Variants in RPA1 observed in about 807,000 individuals in gnomAD.
RPA1 encodes replication protein A 70 kDa DNA-binding subunit.
A neutral mutation model predicts 83.0 loss-of-function variants in RPA1; 49 were observed. The observed-to-expected ratio is 0.59, with a 90% CI of 0.47 to 0.75. The LOEUF (loss-of-function observed/expected upper bound fraction) is 0.75. Ranked by LOEUF, RPA1 falls within the 30% of genes least tolerant of loss-of-function variation. The pLI, the probability that RPA1 is intolerant of heterozygous loss-of-function variation, is 0.00. For missense variants in RPA1, 693 were observed against 776.1 expected (o/e 0.89, Z 1.27); for synonymous variants, 279 against 281.8 (o/e 0.99, Z 0.10).
chr17:1,855,344 TG>T (rs1912650772), intron 5 of RPA1, among the ~76,000 whole-genome samples: 1 of 147,556 alleles, frequency 6.8e-6, no homozygotes, highest in Non-Finnish European at 1.5e-5. Flanking sequence ...TGTGTGTGTG[TG>T]TGTGTGTGTG....
chr17:1,868,387 C>T (rs1197855531), intron 5 of RPA1, among the ~76,000 whole-genome samples: 1 of 152,172 alleles, frequency 6.6e-6, no homozygotes, highest in Non-Finnish European at 1.5e-5. Flanking sequence ...TTTGTATCCT[C>T]CCAGCACCTA....
chr17:1,883,681 G>T, intron 12 of RPA1, 131 bp from the exon 13 acceptor site: 2 of 932,134 alleles, frequency 2.1e-6, no homozygotes, highest in South Asian at 4.2e-5. Context: ...CAGCCGACAT[G>T]ACCGTGACCT....
In RPA1 at chr17:1,843,913, G is replaced by C. The variant is rs1315032511; in HGVS notation, c.85-7G>C. ...ACCTGGCTAATGAATCAAGTTTTCT[G>C]TCCTAGAACATCCGTCCCATTACTA... is the stretch of plus-strand genomic sequence containing the variant. On this transcript the variant is annotated splice_region_variant and splice_polypyrimidine_tract_variant and intron_variant, in intron 2 of 16. Transcript: ENST00000254719. 3 of 1,613,432 alleles carry C rather than the reference G, an allele frequency of 1.9e-6. No homozygotes were observed. The highest frequency in any genetic ancestry group is 3.3e-5 in the Admixed American group (2 of 59,922).
chr17:1,847,073 C>A (rs997771542), intron 4 of RPA1, among the ~76,000 whole-genome samples: 1 of 152,198 alleles, frequency 6.6e-6, no homozygotes, highest in Non-Finnish European at 1.5e-5. Context: ...TTGGCTTGTA[C>A]TTTCTTCCAG....
chr17:1,855,059 C>CTT (rs1279681526), intron 5 of RPA1, among the ~76,000 whole-genome samples: 1 of 152,140 alleles, frequency 6.6e-6, no homozygotes, highest in African/African-American at 2.4e-5. Context: ...TTGGTGAGGG[C>CTT]TTTCATCAGA....
intron 1 of RPA1, among the ~76,000 whole-genome samples, chr17:1,836,059 A>G (rs1452986066): frequency 6.6e-6 from 1 of 152,166 alleles, no homozygotes; most frequent in Non-Finnish European, 1.5e-5. Context: ...ACTGCTTTTT[A>G]GAAAAATCAC....
intron 5 of RPA1, among the ~76,000 whole-genome samples, chr17:1,855,071 A>G (rs752232532): frequency 6.6e-6 from 1 of 152,214 alleles, no homozygotes; most frequent in Non-Finnish European, 1.5e-5. Context: ...TTCATCAGAA[A>G]TGGATGGTGA....
At chr17:1,848,103 T>C (rs1912331081) in intron 4 of RPA1, among the ~76,000 whole-genome samples, 5 of 152,150 alleles carry the variant, frequency 3.3e-5, no homozygotes, top group South Asian at 2.1e-4. Flanking sequence ...GTGACTGTCA[T>C]TGTACACATG....
intron 5 of RPA1, among the ~76,000 whole-genome samples, chr17:1,855,209 C>T (rs1182582159): frequency 2.0e-5 from 3 of 152,002 alleles, no homozygotes; most frequent in East Asian, 3.9e-4. Flanking sequence ...ATGACCCAGG[C>T]TGGAGTGCAG....
At chr17:1,846,244 T>G (rs1912250115) in intron 4 of RPA1, among the ~76,000 whole-genome samples, 1 of 151,990 alleles carries the variant, frequency 6.6e-6, no homozygotes, top group Non-Finnish European at 1.5e-5. Context: ...TCTTCTGGCA[T>G]TGAATGTTGA....
chr17:1,886,298 C>A (rs1913988550), intron 13 of RPA1, among the ~76,000 whole-genome samples: 1 of 152,194 alleles, frequency 6.6e-6, no homozygotes, highest in African/African-American at 2.4e-5. Context: ...CTTTGATATT[C>A]TATTTATAAA....
At position 1,875,687 on chromosome 17, in the gene RPA1, G is replaced by A; in HGVS notation, c.481G>A (p.Ala161Thr). The change falls in exon 7 of 17, where the codon GCT (alanine) becomes ACT (threonine). Residue 161 changes from alanine (A) to threonine (T), a missense_variant. By Grantham distance (58) the Ala-to-Thr change is moderately conservative (BLOSUM62 0). Coordinates refer to ENST00000254719, the MANE Select transcript of RPA1 (RefSeq NM_002945.5). ...MGSTVSKAYG[A>T]SKTFGKAAGP... ...TTCTACTGTTTCTAAGGCTTATGGTGCTTCAAAGACATTTGGAAAAGCTGC... is the reference window on the plus strand; with the variant it reads ...TTCTACTGTTTCTAAGGCTTATGGTACTTCAAAGACATTTGGAAAAGCTGC... 1.2e-6 allele frequency: 2 copies of A among 1,614,092 alleles called. No individual in the cohort carries two copies. Among genetic ancestry groups the A allele is most frequent in the Non-Finnish European group, 1.7e-6 (2 of 1,180,000 alleles).
intron 5 of RPA1, among the ~76,000 whole-genome samples, chr17:1,867,802 G>A (rs1222534098): frequency 6.6e-6 from 1 of 152,060 alleles, no homozygotes; most frequent in South Asian, 2.1e-4. Flanking sequence ...CTATGGGCCG[G>A]GTGCCATGGC....
intron 4 of RPA1, among the ~76,000 whole-genome samples, chr17:1,850,495 C>T (rs1212652158): frequency 6.6e-6 from 1 of 151,634 alleles, no homozygotes; most frequent in African/African-American, 2.4e-5. Context: ...TGAGATTGCC[C>T]CACTGTACTC....
At chr17:1,892,182 T>C (rs151037232) in intron 15 of RPA1, among the ~76,000 whole-genome samples, 36 of 152,240 alleles carry the variant, frequency 2.4e-4, no homozygotes, top group African/African-American at 8.4e-4. Context: ...AGTTTTTGTA[T>C]TTTTAGTAGA....
chr17:1,838,351 C>A (rs979643381), intron 1 of RPA1, among the ~76,000 whole-genome samples: 3 of 151,694 alleles, frequency 2.0e-5, no homozygotes, highest in African/African-American at 7.3e-5. Flanking sequence ...CGCCTGTAAT[C>A]CCAGCACTTT....
intron 1 of RPA1, among the ~76,000 whole-genome samples, chr17:1,838,433 G>T (rs778852605): frequency 1.3e-5 from 2 of 151,742 alleles, no homozygotes; most frequent in Non-Finnish European, 2.9e-5. Context: ...GAGAAATCCC[G>T]TCTCTACTAA....
At chr17:1,880,097 C>T (rs1913728186) in intron 11 of RPA1, among the ~76,000 whole-genome samples, 1 of 148,632 alleles carries the variant, frequency 6.7e-6, no homozygotes, top group South Asian at 2.1e-4. Flanking sequence ...GGGTCTTGTC[C>T]TATAGGATGG....
At chr17:1,858,123 G>T in intron 5 of RPA1, 2 of 1,613,738 alleles carry the variant, frequency 1.2e-6, no homozygotes, top group Non-Finnish European at 1.7e-6. Context: ...GAATCTTCAG[G>T]CCTTTTCCTA....
Sources: gnomAD v4.1 joint callset for allele counts (sites outside exome capture counted in the v4.1 genomes callset) on GRCh38, gnomAD v4.1.1 for gene constraint, MANE v1.5 for transcripts, NCBI Gene and HGNC (gene_info 2026-07-23, HGNC 2026-07-21) for gene names.